Variants in LPP observed in about 807,000 individuals in gnomAD.
The protein encoded by LPP is lipoma-preferred partner.
A neutral mutation model predicts 60.4 loss-of-function variants in LPP; 38 were observed. That is an observed-to-expected ratio of 0.63 (90% CI 0.49 to 0.83). The LOEUF (loss-of-function observed/expected upper bound fraction) is 0.83, where lower values mean the gene tolerates loss of function less well. Among genes scored for constraint, LPP ranks in the 40% least tolerant of loss-of-function variants. The pLI is 0.00. For missense variants in LPP, 902 were observed against 783.6 expected (o/e 1.15, Z -1.80); for synonymous variants, 328 against 290.8 (o/e 1.13, Z -1.30).
intron 9 of LPP, among the ~76,000 whole-genome samples, chr3:188,859,353 GT>G (rs1003850220): frequency 1.3e-5 from 2 of 152,064 alleles, no homozygotes; most frequent in African/African-American, 4.8e-5. Context: ...ATTCTTAAGA[GT>G]CATAGACCAC....
chr3:188,323,477 T>C (rs1757517211), intron 2 of LPP, among the ~76,000 whole-genome samples: 1 of 152,220 alleles, frequency 6.6e-6, no homozygotes, highest in South Asian at 2.1e-4. Flanking sequence ...AGCCACTTAT[T>C]TTCTGGGAAG....
At chr3:188,768,359 T>G (rs73196786) in intron 9 of LPP, among the ~76,000 whole-genome samples, 8,403 of 152,246 alleles carry the variant, frequency 0.055, 313 homozygotes, top group Non-Finnish European at 0.087. Flanking sequence ...GACAATTCTG[T>G]GATAATCTAA....
intron 3 of LPP, among the ~76,000 whole-genome samples, chr3:188,370,910 A>G (rs909307601): frequency 2.0e-5 from 3 of 151,902 alleles, no homozygotes; most frequent in Admixed American, 2.0e-4. Context: ...TTGCTTTGCC[A>G]TTGTTTTATT....
intron 9 of LPP, among the ~76,000 whole-genome samples, chr3:188,825,263 CTCTCTCTGTG>C (rs1286418664): frequency 9.7e-5 from 10 of 103,596 alleles, no homozygotes; most frequent in African/African-American, 3.6e-4. Context: ...CTCTCTCTCT[CTCTCTCTGTG>C]TGTGTGTGTG....
At chr3:188,747,080 C>A (rs1726471587) in intron 8 of LPP, among the ~76,000 whole-genome samples, 1 of 152,130 alleles carries the variant, frequency 6.6e-6, no homozygotes, top group Admixed American at 6.5e-5. Flanking sequence ...AAGGGAGTCA[C>A]AGAGAGAAAA....
chr3:188,507,524 C>T (rs555458390), intron 5 of LPP, among the ~76,000 whole-genome samples: 15 of 151,906 alleles, frequency 9.9e-5, no homozygotes, highest in South Asian at 2.1e-4. Context: ...ATAAGTTTCC[C>T]GTTTTTCTCT....
At chr3:188,303,551 G>A (rs546490289) in intron 2 of LPP, among the ~76,000 whole-genome samples, 2 of 152,324 alleles carry the variant, frequency 1.3e-5, no homozygotes, top group East Asian at 3.9e-4. Context: ...AGAGAGTGTG[G>A]AGGGTCATGG....
chr3:188,218,460 C>T (rs552519816), intron 1 of LPP, among the ~76,000 whole-genome samples: 2 of 152,292 alleles, frequency 1.3e-5, no homozygotes, highest in South Asian at 2.1e-4. Flanking sequence ...TCAGCCTAAG[C>T]CCAGAGATGC....
chr3:188,676,149 C>T (rs980064405), intron 7 of LPP, among the ~76,000 whole-genome samples: 1 of 152,132 alleles, frequency 6.6e-6, no homozygotes, highest in Admixed American at 6.5e-5. Context: ...GCAGTCACCA[C>T]CGTATTCTGG....
At chr3:188,512,287 G>A (rs1815927094) in intron 5 of LPP, among the ~76,000 whole-genome samples, 1 of 152,138 alleles carries the variant, frequency 6.6e-6, no homozygotes, top group African/African-American at 2.4e-5. Flanking sequence ...GCCAGACATG[G>A]TGGCTCACAC....
intron 9 of LPP, among the ~76,000 whole-genome samples, chr3:188,768,233 T>C (rs1288151099): frequency 6.6e-6 from 1 of 152,110 alleles, no homozygotes; most frequent in African/African-American, 2.4e-5. Flanking sequence ...AAAGAACAAA[T>C]GATTTCTGTG....
intron 8 of LPP, among the ~76,000 whole-genome samples, chr3:188,732,633 G>T (rs765969724): frequency 4.7e-4 from 69 of 146,116 alleles, no homozygotes; most frequent in Non-Finnish European, 8.8e-4. Context: ...CAGGAGAATC[G>T]CTTGAACCCG....
At chr3:188,611,632 A>G (rs1843736573) in intron 7 of LPP, among the ~76,000 whole-genome samples, 1 of 152,240 alleles carries the variant, frequency 6.6e-6, no homozygotes, top group African/African-American at 2.4e-5. Flanking sequence ...GGTGACTGAA[A>G]GGATGGCTGA....
At chr3:188,522,338 A>T (rs1179681571) in intron 5 of LPP, among the ~76,000 whole-genome samples, 1 of 152,146 alleles carries the variant, frequency 6.6e-6, no homozygotes, top group Admixed American at 6.5e-5. Flanking sequence ...TACCAGTGTG[A>T]GCGTGTGTGT....
intron 5 of LPP, among the ~76,000 whole-genome samples, chr3:188,522,894 G>A (rs1819371511): frequency 7.0e-6 from 1 of 143,514 alleles, no homozygotes; most frequent in African/African-American, 2.5e-5. Context: ...ATGTGTGTGT[G>A]TGTGTGTATA....
intron 1 of LPP, among the ~76,000 whole-genome samples, chr3:188,190,676 G>A (rs1446924401): frequency 6.6e-6 from 1 of 152,180 alleles, no homozygotes; most frequent in Non-Finnish European, 1.5e-5. Context: ...AGGCAGGAGT[G>A]ACAGAGTTGC....
At chr3:188,177,621 G>T (rs539520379) in intron 1 of LPP, among the ~76,000 whole-genome samples, 1 of 152,154 alleles carries the variant, frequency 6.6e-6, no homozygotes, top group Non-Finnish European at 1.5e-5. Flanking sequence ...TAGGTCTTAC[G>T]TGAGCCTCAG....
chr3:188,530,785 A>G (rs769206059), intron 6 of LPP, among the ~76,000 whole-genome samples: 6 of 152,236 alleles, frequency 3.9e-5, no homozygotes, highest in Admixed American at 2.0e-4. Flanking sequence ...ACGTACTTCA[A>G]TGGTAAACAG....
chr3:188,184,865 C>T (rs537771476), intron 1 of LPP, among the ~76,000 whole-genome samples: 3 of 152,030 alleles, frequency 2.0e-5, no homozygotes, highest in East Asian at 3.9e-4. Context: ...GGGGGACTGG[C>T]TGGTGTAGGT....
Sources: allele counts gnomAD v4.1 joint callset (sites outside exome capture counted in the v4.1 genomes callset), GRCh38; gene constraint gnomAD v4.1.1; transcripts MANE v1.5; gene names NCBI Gene and HGNC (gene_info 2026-07-23, HGNC 2026-07-21).